The following SGK1 variants were observed in gnomAD, a reference collection of about 807,000 sequenced individuals.
SGK1 encodes serine/threonine-protein kinase Sgk1.
In SGK1, 26 loss-of-function variants were observed where a neutral mutation model predicts 64.2. The observed-to-expected ratio is 0.40, with a 90% CI of 0.30 to 0.56. The LOEUF is 0.56. SGK1 is among the 20% of genes least tolerant of loss of function. The pLI is 0.38. For synonymous variants in SGK1, 265 were observed against 239.7 expected (o/e 1.11, Z -0.98); for missense variants, 519 against 645.6 (o/e 0.80, Z 2.12).
intron 4 of SGK1, 48 bp from the exon 5 acceptor site, chr6:134,174,128 G>A: frequency 7.2e-7 from 1 of 1,380,864 alleles, no homozygotes; most frequent in South Asian, 1.2e-5. Flanking sequence ...GCCACTAGGG[G>A]GCACACCAAC....
At chr6:134,243,676 G>A (rs1042830851) in intron 2 of SGK1, among the ~76,000 whole-genome samples, 5 of 152,176 alleles carry the variant, frequency 3.3e-5, no homozygotes, top group Admixed American at 2.0e-4. Context: ...GCCATAACGT[G>A]CAGTTTTAAA....
intron 1 of SGK1, among the ~76,000 whole-genome samples, chr6:134,274,432 T>C (rs1776988990): frequency 6.6e-6 from 1 of 152,312 alleles, no homozygotes; most frequent in African/African-American, 2.4e-5. Context: ...GCTTTGGGAA[T>C]GGAAAGGAGG....
At chr6:134,203,072 C>T (rs549051801) in intron 3 of SGK1, among the ~76,000 whole-genome samples, 5 of 152,130 alleles carry the variant, frequency 3.3e-5, no homozygotes, top group South Asian at 2.1e-4. Context: ...ACTGAAACCC[C>T]GTCTCTACTA....
At position 134,298,584 on chromosome 6, in the gene SGK1, G is replaced by A. The variant is rs371844268; in HGVS notation, c.69+18808C>T. ...GAAGCTGCTGCTGCCCACTCAGGAGGAGCTTGAGGAGCTGATGCAGGTACT... is the reference window on the plus strand; with the variant it reads ...GAAGCTGCTGCTGCCCACTCAGGAGAAGCTTGAGGAGCTGATGCAGGTACT... On this transcript the variant is annotated intron_variant, in intron 1 of 13. Transcript: ENST00000367858. The A allele has an allele frequency of 1.8e-5, 17 of 926,772 alleles. No individual in the cohort carries two copies. The East Asian group carries it at 4.0e-4, about 22-fold the overall frequency. 57.4% of individuals were successfully genotyped at this position (926,772 alleles called of 1,614,324 possible). A position where few individuals can be genotyped will look rare whatever the true frequency, so the allele number is the denominator to read the frequency against.
intron 2 of SGK1, among the ~76,000 whole-genome samples, chr6:134,232,851 C>CAAA (rs1173880594): frequency 1.1e-4 from 11 of 103,360 alleles, no homozygotes; most frequent in Non-Finnish European, 1.9e-4. Context: ...GACTCCACCT[C>CAAA]AAAAAAAAAA....
At chr6:134,248,758 G>A (rs1220665062) in intron 2 of SGK1, among the ~76,000 whole-genome samples, 1 of 152,032 alleles carries the variant, frequency 6.6e-6, no homozygotes, top group African/African-American at 2.4e-5. Flanking sequence ...CTCTGATCCA[G>A]GTAGGCTCTC....
chr6:134,266,238 G>A (rs532901354), intron 1 of SGK1, among the ~76,000 whole-genome samples: 40 of 151,574 alleles, frequency 2.6e-4, no homozygotes, highest in African/African-American at 9.7e-4. Flanking sequence ...ACCCACCTCA[G>A]CCTCCCAAAG....
intron 2 of SGK1, among the ~76,000 whole-genome samples, chr6:134,223,333 A>G (rs760021280): frequency 3.3e-5 from 5 of 150,690 alleles, no homozygotes; most frequent in South Asian, 2.1e-4. Context: ...GTGCCATTGC[A>G]CTCAAGCCTG....
chr6:134,247,169 A>T (rs937543344), intron 2 of SGK1, among the ~76,000 whole-genome samples: 1 of 152,108 alleles, frequency 6.6e-6, no homozygotes, highest in Non-Finnish European at 1.5e-5. Flanking sequence ...TCCACCCCCA[A>T]TAAAGTCACC....
chr6:134,197,879 TATAAAATAAAATAAAATAAAATATAAA>T (rs1252931267), intron 3 of SGK1, among the ~76,000 whole-genome samples: 75 of 86,254 alleles, frequency 8.7e-4, no homozygotes, highest in Non-Finnish European at 1.2e-3. Flanking sequence ...TAAAATAAAA[TATAAAATAAAATAAAATAAAATATAAA>T]ATAAAATAAA....
At chr6:134,300,868 G>C (rs1297746603) in intron 1 of SGK1, among the ~76,000 whole-genome samples, 5 of 151,868 alleles carry the variant, frequency 3.3e-5, no homozygotes, top group Middle Eastern at 3.4e-3. Context: ...TCCTGACCTC[G>C]GGTGATCTAC....
At chr6:134,178,654 G>A (rs1226190511) in intron 3 of SGK1, among the ~76,000 whole-genome samples, 1 of 152,190 alleles carries the variant, frequency 6.6e-6, no homozygotes, top group African/African-American at 2.4e-5. Context: ...CAACCTAGAG[G>A]GCGATCGAGT....
At chr6:134,290,098 C>A (rs1237440144) in intron 1 of SGK1, among the ~76,000 whole-genome samples, 2 of 143,810 alleles carry the variant, frequency 1.4e-5, no homozygotes, top group African/African-American at 5.2e-5. Context: ...TACAGTGAGC[C>A]GAGACCACGC....
At chr6:134,259,964 CA>C (rs2114745640) in intron 2 of SGK1, 1 of 152,276 alleles carries the variant, frequency 6.6e-6, no homozygotes, top group African/African-American at 2.4e-5. Context: ...TGTAAATCAG[CA>C]AACATGAGCA....
chr6:134,238,175 C>A (rs1776392286), intron 2 of SGK1, among the ~76,000 whole-genome samples: 1 of 152,142 alleles, frequency 6.6e-6, no homozygotes, highest in Non-Finnish European at 1.5e-5. Flanking sequence ...AAGTAAACAA[C>A]CGATTTCCTG....
chr6:134,197,906 A>AAT (rs1440515208), intron 3 of SGK1, among the ~76,000 whole-genome samples: 2 of 29,552 alleles, frequency 6.8e-5, no homozygotes, highest in Middle Eastern at 0.013. Flanking sequence ...TAAAATATAA[A>AAT]ATAAAATAAA....
At chr6:134,241,106 G>A (rs1776441068) in intron 2 of SGK1, among the ~76,000 whole-genome samples, 1 of 145,930 alleles carries the variant, frequency 6.9e-6, no homozygotes, top group African/African-American at 2.6e-5. Context: ...CTGGAGTGCA[G>A]TGGCATGATC....
intron 1 of SGK1, among the ~76,000 whole-genome samples, chr6:134,308,221 A>G (rs1777562627): frequency 6.6e-6 from 1 of 152,230 alleles, no homozygotes; most frequent in Admixed American, 6.5e-5. Context: ...TGCTTTCGGA[A>G]AGATCATTCT....
At chr6:134,174,330 A>G in intron 4 of SGK1, 181 bp downstream of exon 4, 1 of 617,616 alleles carries the variant, frequency 1.6e-6, no homozygotes, top group Non-Finnish European at 2.8e-6. Context: ...CTCCAGTTCA[A>G]GCCAAATCAG....
Sources: allele counts gnomAD v4.1 joint callset (sites outside exome capture counted in the v4.1 genomes callset), GRCh38; gene constraint gnomAD v4.1.1; transcripts MANE v1.5; gene names NCBI Gene and HGNC (gene_info 2026-07-23, HGNC 2026-07-21).